SMIM7: variants seen among roughly 807,000 people sequenced by gnomAD.
SMIM7 encodes the protein small integral membrane protein 7.
SMIM7 carries 12 observed loss-of-function variants against 13.3 expected under a neutral mutation model. The ratio of observed to expected loss-of-function variants is 0.90; its 90% confidence interval spans 0.58 to 1.46. The LOEUF is 1.46. Ranked by LOEUF, SMIM7 falls within the 40% of genes most tolerant of loss-of-function variation. SMIM7 has a pLI of 0.00. For missense variants in SMIM7, 114 were observed against 94.8 expected (o/e 1.20, Z -0.84); for synonymous variants, 36 against 35.8 (o/e 1.01, Z -0.02).
At position 16,660,083 on chromosome 19, in the gene SMIM7, A is replaced by C; in HGVS notation, c.26+2T>G. 6.2e-7 allele frequency: 1 copy of C among 1,614,118 alleles called. No individual in the cohort carries two copies. On this transcript the variant is annotated splice_donor_variant, in intron 1 of 4. Coordinates refer to ENST00000487416, the MANE Select transcript of SMIM7 (RefSeq NM_024104.4). LOFTEE classifies it high-confidence loss of function. ...TTCCCAGCCTCTGGTCCCCCTAATT[A>C]CCCGAACAGCAGGATGTCTCCGATC...
rs552530621 is a variant in SMIM7 at position 16,634,354 on chromosome 19, C to T, written c.*138-2630G>A. On this transcript the variant is annotated intron_variant and NMD_transcript_variant, in intron 4 of 4. Coordinates refer to the SMIM7 transcript ENST00000465250. The stretch of plus-strand genomic sequence containing the variant: ...GCCCGCCACTGACGCTGGGGTGAAC[C>T]TGCAACTCACTGTGACTAAGAGAAT... The T allele has an allele frequency of 2.6e-5, 4 of 152,256 alleles. No individual in the cohort carries two copies. In the South Asian group the frequency reaches 8.3e-4, roughly 32 times the overall value. 9.4% of individuals were successfully genotyped at this position (152,256 alleles called of 1,614,324 possible). A position where few individuals can be genotyped will look rare whatever the true frequency, so the allele number is the denominator to read the frequency against.
At chr19:16,659,642 C>A in intron 2 of SMIM7, 195 bp from the exon 3 acceptor site, 1 of 674,262 alleles carries the variant, frequency 1.5e-6, no homozygotes, top group Non-Finnish European at 2.5e-6. Context: ...CAGCAGCCAC[C>A]GACCGTTTAC....
At chr19:16,647,800 A>G (rs888250484) in intron 4 of SMIM7, among the ~76,000 whole-genome samples, 1 of 152,204 alleles carries the variant, frequency 6.6e-6, no homozygotes, top group African/African-American at 2.4e-5. Flanking sequence ...TGTTAAACAA[A>G]AGATATATAC....
At chr19:16,639,447 T>C (rs1470471173) in intron 4 of SMIM7, among the ~76,000 whole-genome samples, 1 of 152,130 alleles carries the variant, frequency 6.6e-6, no homozygotes, top group African/African-American at 2.4e-5. Flanking sequence ...TAAAAAACTG[T>C]CTAGTCCAGA....
rs138986543 is a variant in SMIM7, at chr19:16,656,258, C to T, written c.122-2133G>A. Among the ~76,000 whole-genome samples, 880 of 152,172 alleles carry T rather than the reference C, an allele frequency of 5.8e-3. 5 individuals carry two copies. Among genetic ancestry groups the T allele is most frequent in the Non-Finnish European group, 9.9e-3 (670 of 68,014 alleles). On this transcript the variant is annotated intron_variant, in intron 3 of 4. Transcript: ENST00000487416. The stretch of plus-strand genomic sequence containing the variant: ...AAACAATTAGCAGGGCGTGGTGGCG[C>T]GTGCCTGTAATCCCAAATCCTCGGG...
chr19:16,637,131 T>C (rs976522713), intron 4 of SMIM7, among the ~76,000 whole-genome samples: 2 of 152,232 alleles, frequency 1.3e-5, no homozygotes, highest in Admixed American at 6.5e-5. Context: ...ACGTGGCTCC[T>C]GGCTACTGTG....
At chr19:16,658,861 A>AT (rs1003141220) in intron 3 of SMIM7, among the ~76,000 whole-genome samples, 30 of 152,146 alleles carry the variant, frequency 2.0e-4, no homozygotes, top group African/African-American at 6.8e-4. Flanking sequence ...GACAGCAAAC[A>AT]TAACAGAACA....
At chr19:16,651,605 A>T (rs1479528571) in intron 4 of SMIM7, among the ~76,000 whole-genome samples, 1 of 152,244 alleles carries the variant, frequency 6.6e-6, no homozygotes, top group Non-Finnish European at 1.5e-5. Context: ...ATGCTGGTCA[A>T]ACAGGAGAGG....
downstream of SMIM7, among the ~76,000 whole-genome samples, chr19:16,641,910 C>T (rs965008941): frequency 1.3e-5 from 2 of 152,168 alleles, no homozygotes; most frequent in African/African-American, 2.4e-5. Context: ...AAAAACAAGC[C>T]GTGGGCCAGA....
At chr19:16,652,465 G>T in intron 4 of SMIM7, 1 of 894,394 alleles carries the variant, frequency 1.1e-6, no homozygotes. Flanking sequence ...GCCTCCCAAA[G>T]TACTGGGATT....
At chr19:16,633,687 C>A (rs990992974) in intron 4 of SMIM7, 1 of 152,128 alleles carries the variant, frequency 6.6e-6, no homozygotes, top group African/African-American at 2.4e-5. Flanking sequence ...TGTGCCACTA[C>A]ACTCTGGCCT....
At chr19:16,634,255 A>C (rs2086342675) in intron 4 of SMIM7, 2 of 152,162 alleles carry the variant, frequency 1.3e-5, no homozygotes, top group African/African-American at 4.8e-5. Context: ...GTCAGGGTCC[A>C]TGCTGGGGAC....
chr19:16,655,390 T>C (rs1479683037), intron 3 of SMIM7: 1 of 455,864 alleles, frequency 2.2e-6, no homozygotes. Context: ...AAAGAATGGG[T>C]CCAGATTAGG....
intron 4 of SMIM7, among the ~76,000 whole-genome samples, chr19:16,633,278 GA>G (rs916411057): frequency 2.0e-5 from 3 of 151,776 alleles, no homozygotes; most frequent in African/African-American, 7.3e-5. Flanking sequence ...CTAACATGAT[GA>G]AACCCTGTCT....
downstream of SMIM7, chr19:16,644,806 C>CAG (rs1334144288): frequency 2.0e-5 from 3 of 152,210 alleles, no homozygotes; most frequent in Non-Finnish European, 4.4e-5. Flanking sequence ...GATGAGAAGA[C>CAG]AGAAAACACA....
chr19:16,641,800 C>T (rs1303009071), downstream of SMIM7, among the ~76,000 whole-genome samples: 1 of 152,174 alleles, frequency 6.6e-6, no homozygotes, highest in Non-Finnish European at 1.5e-5. Flanking sequence ...GATTTTGCCA[C>T]AGCGGTCAGG....
rs561482221 is a variant in SMIM7 at position 16,638,495 on chromosome 19, A to T, written c.*138-6771T>A. The stretch of plus-strand genomic sequence containing the variant: ...ATTTTTGTAATTTTTTTTAGTAGAG[A>T]CAGGGTTTCACCACATTGGCCAGGC... On this transcript the variant is annotated intron_variant and NMD_transcript_variant, in intron 4 of 4. Transcript: ENST00000465250. Among the ~76,000 whole-genome samples, 14 of 151,442 alleles carry T rather than the reference A, an allele frequency of 9.2e-5. No homozygotes were observed. In the East Asian group the frequency reaches 2.4e-3, roughly 26 times the overall value.
At chr19:16,631,607 G>T (rs564931342) in exon 5 of SMIM7, 23 of 152,260 alleles carry the variant, frequency 1.5e-4, no homozygotes, top group Non-Finnish European at 2.8e-4. Context: ...CACTGCAGAG[G>T]AAGCCGTGAC....
chr19:16,649,823 G>T (rs1198324037), intron 4 of SMIM7, among the ~76,000 whole-genome samples: 1 of 152,164 alleles, frequency 6.6e-6, no homozygotes, highest in South Asian at 2.1e-4. Flanking sequence ...AGGCTACAAC[G>T]TGGATGAACC....
Sources: gnomAD v4.1 joint callset for allele counts (sites outside exome capture counted in the v4.1 genomes callset) on GRCh38, gnomAD v4.1.1 for gene constraint, MANE v1.5 for transcripts, NCBI Gene and HGNC (gene_info 2026-07-23, HGNC 2026-07-21) for gene names.